The following FHOD3 variants were observed in gnomAD, a reference collection of about 807,000 sequenced individuals.
The protein encoded by FHOD3 is formin homology 2 domain containing 3, also known as FH1/FH2 domain-containing protein 3.
FHOD3 carries 90 observed loss-of-function variants against 173.0 expected under a neutral mutation model. The ratio of observed to expected loss-of-function variants is 0.52; its 90% confidence interval spans 0.44 to 0.62. FHOD3 has a LOEUF of 0.62. Ranked by LOEUF, FHOD3 falls within the 20% of genes least tolerant of loss-of-function variation. The pLI, the probability that FHOD3 is intolerant of heterozygous loss-of-function variation, is 0.00. For missense variants in FHOD3, 1,945 were observed against 2,034.7 expected, an observed-to-expected ratio of 0.96 and a Z score of 0.85; for synonymous variants, 828 against 823.0, an observed-to-expected ratio of 1.01 and a Z score of -0.10.
intron 5 of FHOD3, among the ~76,000 whole-genome samples, chr18:36,528,192 C>T (rs1272240244): frequency 2.6e-5 from 4 of 152,142 alleles, no homozygotes; most frequent in Admixed American, 1.3e-4. Context: ...ACCTGTAGCA[C>T]TAGGATAAGA....
In FHOD3 at chr18:36,407,518, T is replaced by C. The variant is rs78825340; in HGVS notation, c.337+34774T>C. 7.5e-3 allele frequency among the ~76,000 whole-genome samples: 1,135 copies of C among 152,272 alleles called. 16 individuals are homozygous for C. The highest frequency in any genetic ancestry group is 0.026 in the African/African-American group (1,078 of 41,526). On this transcript the variant is annotated intron_variant, in intron 3 of 28. Transcript: ENST00000590592. The stretch of plus-strand genomic sequence containing the variant: ...ACCCAAGTCTAACAGGCTTGCAAAA[T>C]AGGTGTCATCACTCCATTTTATAGA...
intron 3 of FHOD3, among the ~76,000 whole-genome samples, chr18:36,475,199 C>T (rs1176609253): frequency 6.6e-6 from 1 of 152,158 alleles, no homozygotes; most frequent in Non-Finnish European, 1.5e-5. Flanking sequence ...TGGTTCATCT[C>T]CCCAGTCAGC....
chr18:36,757,450 C>G (rs2042678886), intron 25 of FHOD3, among the ~76,000 whole-genome samples: 1 of 152,120 alleles, frequency 6.6e-6, no homozygotes, highest in South Asian at 2.1e-4. Flanking sequence ...AAGCTTATAT[C>G]CCAAGGACAT....
intron 10 of FHOD3, among the ~76,000 whole-genome samples, chr18:36,646,922 A>T (rs2035722872): frequency 6.6e-6 from 1 of 152,218 alleles, no homozygotes; most frequent in Non-Finnish European, 1.5e-5. Flanking sequence ...CATATAAATG[A>T]CAAAGGGCAA....
At chr18:36,394,639 C>A (rs530250630) in intron 3 of FHOD3, among the ~76,000 whole-genome samples, 244 of 152,298 alleles carry the variant, frequency 1.6e-3, no homozygotes, top group African/African-American at 5.7e-3. Context: ...TGAATCATCA[C>A]GGGTGTTCTC....
At chr18:36,769,202 C>A in intron 27 of FHOD3, 63 bp from the exon 28 acceptor site, 7 of 1,561,032 alleles carry the variant, frequency 4.5e-6, no homozygotes, top group Non-Finnish European at 6.1e-6. Flanking sequence ...AGGAATACTG[C>A]TGCATATATC....
chr18:36,376,473 C>G (rs1244385473), intron 3 of FHOD3, among the ~76,000 whole-genome samples: 4 of 152,192 alleles, frequency 2.6e-5, no homozygotes, highest in Admixed American at 6.5e-5. Context: ...ATGCTTGCAG[C>G]TGTGAAAGAA....
chr18:36,558,292 C>G (rs2057966304), intron 5 of FHOD3, among the ~76,000 whole-genome samples: 1 of 152,118 alleles, frequency 6.6e-6, no homozygotes, highest in African/African-American at 2.4e-5. Flanking sequence ...GGAATCTTCT[C>G]AAGGTATCAT....
At chr18:36,338,813 C>T (rs559243907) in intron 1 of FHOD3, among the ~76,000 whole-genome samples, 11 of 152,164 alleles carry the variant, frequency 7.2e-5, no homozygotes, top group Non-Finnish European at 1.3e-4. Flanking sequence ...AGATTCTTGG[C>T]CCATTTGTGT....
At chr18:36,760,544 T>C in intron 26 of FHOD3, 64 bp from the exon 27 acceptor site, 1 of 1,424,464 alleles carries the variant, frequency 7.0e-7, no homozygotes, top group Non-Finnish European at 9.3e-7. Context: ...CCACGGGTTT[T>C]AGAAGCTTGA....
intron 27 of FHOD3, among the ~76,000 whole-genome samples, chr18:36,766,359 C>A (rs973537134): frequency 2.6e-4 from 39 of 152,160 alleles, no homozygotes; most frequent in Non-Finnish European, 4.4e-5. Flanking sequence ...TCAGTGCTTT[C>A]TTTCAAATCT....
At chr18:36,675,226 A>G (rs1005544097) in intron 14 of FHOD3, among the ~76,000 whole-genome samples, 4 of 152,000 alleles carry the variant, frequency 2.6e-5, no homozygotes, top group Non-Finnish European at 5.9e-5. Context: ...TGGCCATGCA[A>G]GTTCTTAGCT....
intron 4 of FHOD3, among the ~76,000 whole-genome samples, chr18:36,509,217 T>C (rs552967983): frequency 1.3e-5 from 2 of 152,140 alleles, no homozygotes; most frequent in Non-Finnish European, 2.9e-5. Flanking sequence ...CTAACTGCCA[T>C]GTATGAGTCT....
chr18:36,580,512 A>G (rs1377201656), intron 6 of FHOD3, among the ~76,000 whole-genome samples: 3 of 152,232 alleles, frequency 2.0e-5, no homozygotes, highest in Non-Finnish European at 4.4e-5. Context: ...GTGATGTCAC[A>G]TGAAGGTCTC....
intron 1 of FHOD3, among the ~76,000 whole-genome samples, chr18:36,335,588 T>G (rs1429875660): frequency 6.6e-6 from 1 of 152,160 alleles, no homozygotes; most frequent in African/African-American, 2.4e-5. Flanking sequence ...CTGGATAGCA[T>G]GGAGCCCATG....
At chr18:36,546,180 G>A (rs763808915) in intron 5 of FHOD3, among the ~76,000 whole-genome samples, 14 of 152,262 alleles carry the variant, frequency 9.2e-5, no homozygotes, top group Non-Finnish European at 2.9e-5. Context: ...ACATTCCACC[G>A]CAGTTCATCT....
intron 21 of FHOD3, among the ~76,000 whole-genome samples, chr18:36,742,278 G>T (rs1267975996): frequency 2.0e-5 from 3 of 152,166 alleles, no homozygotes; most frequent in African/African-American, 7.2e-5. Flanking sequence ...AGCCCAGGCT[G>T]CCAGGTGGCT....
rs546060928 is a variant in FHOD3, at chr18:36,541,823, G to C, written c.511+29280G>C. On this transcript the variant is annotated intron_variant, in intron 5 of 28. Transcript: ENST00000590592. ...CAGAATTGGAATGAACCTCAGAATG[G>C]AACTGAACTAAATCTCCAGCTTATC... Among the ~76,000 whole-genome samples the C allele has an allele frequency of 2.6e-5, 4 of 152,274 alleles. No individual in the cohort carries two copies. In the South Asian group the frequency reaches 8.3e-4, roughly 32 times the overall value.
intron 5 of FHOD3, among the ~76,000 whole-genome samples, chr18:36,570,711 G>C (rs1415787458): frequency 6.6e-6 from 1 of 152,092 alleles, no homozygotes; most frequent in South Asian, 2.1e-4. Context: ...GACTCATTGA[G>C]TATTTGAAAT....
Sources: allele counts gnomAD v4.1 joint callset (sites outside exome capture counted in the v4.1 genomes callset), GRCh38; gene constraint gnomAD v4.1.1; transcripts MANE v1.5; gene names NCBI Gene and HGNC (gene_info 2026-07-23, HGNC 2026-07-21).